The following SCN10A variants were observed in gnomAD, a reference collection of about 807,000 sequenced individuals.
SCN10A encodes the protein sodium voltage-gated channel alpha subunit 10, also known as sodium channel protein type 10 subunit alpha.
A neutral mutation model predicts 170.7 loss-of-function variants in SCN10A; 162 were observed. The observed-to-expected ratio is 0.95, with a 90% CI of 0.84 to 1.08. SCN10A has a LOEUF of 1.08. SCN10A is among the 50% of genes least tolerant of loss of function. The probability of loss-of-function intolerance (pLI) is 0.00; values close to 1 mark genes in which losing one functional copy is unlikely to be tolerated. For missense variants in SCN10A, 2,527 were observed against 2,436.9 expected (o/e 1.04, Z -0.78); for synonymous variants, 985 against 904.6 (o/e 1.09, Z -1.59).
chr3:38,751,023 G>A (rs2063741565), intron 12 of SCN10A, among the ~76,000 whole-genome samples: 1 of 152,204 alleles, frequency 6.6e-6, no homozygotes, highest in African/African-American at 2.4e-5. Flanking sequence ...TGGGGAGGGA[G>A]ACCTGTACAA....
chr3:38,746,260 C>T (rs13319504), intron 13 of SCN10A, among the ~76,000 whole-genome samples: 37,083 of 150,780 alleles, frequency 0.25, 4,759 homozygotes, highest in African/African-American at 0.29. Context: ...CCTTCTTCCC[C>T]TAAAATGCTC....
chr3:38,766,775 AT>A (rs1390473286), intron 5 of SCN10A, among the ~76,000 whole-genome samples: 1 of 152,092 alleles, frequency 6.6e-6, no homozygotes, highest in Non-Finnish European at 1.5e-5. Flanking sequence ...CTCTTTCTGC[AT>A]CTTTTGGAAT....
chr3:38,768,706 G>T (rs1272010522), intron 5 of SCN10A, among the ~76,000 whole-genome samples: 1 of 152,092 alleles, frequency 6.6e-6, no homozygotes, highest in African/African-American at 2.4e-5. Flanking sequence ...CTTGACTTTA[G>T]ATAACCTGAT....
chr3:38,785,873 T>TA (rs1190419819), intron 4 of SCN10A, among the ~76,000 whole-genome samples: 3 of 152,080 alleles, frequency 2.0e-5, no homozygotes, highest in Non-Finnish European at 4.4e-5. Context: ...AAACATATGA[T>TA]AAAAAGCTCA....
intron 15 of SCN10A, 75 bp from the exon 16 acceptor site, chr3:38,728,976 C>G: frequency 6.6e-7 from 1 of 1,519,934 alleles, no homozygotes; most frequent in South Asian, 1.3e-5. Flanking sequence ...GCCTGGAAAC[C>G]AAAGATCTGG....
intron 22 of SCN10A, among the ~76,000 whole-genome samples, chr3:38,712,788 C>A (rs559278483): frequency 1.2e-4 from 18 of 152,274 alleles, no homozygotes; most frequent in South Asian, 8.3e-4. Flanking sequence ...CCTTAAATAC[C>A]ATACATAAAA....
chr3:38,722,768 G>GCCC (rs2063407970), intron 19 of SCN10A, among the ~76,000 whole-genome samples: 1 of 152,202 alleles, frequency 6.6e-6, no homozygotes, highest in Non-Finnish European at 1.5e-5. Context: ...AGCCCAAGCT[G>GCCC]AACTGAGGGC....
At chr3:38,805,795 T>C (rs142144918) in intron 1 of SCN10A, among the ~76,000 whole-genome samples, 1 of 152,286 alleles carries the variant, frequency 6.6e-6, no homozygotes, top group East Asian at 1.9e-4. Context: ...ACCTTTGAAG[T>C]TGAATAATCC....
intron 8 of SCN10A, 88 bp downstream of exon 8, chr3:38,760,593 C>A: frequency 9.8e-7 from 1 of 1,024,542 alleles, no homozygotes; most frequent in Non-Finnish European, 1.5e-6. Context: ...CCAGGACCTG[C>A]AACCCCATCT....
chr3:38,755,703 C>G (rs1398561682), intron 11 of SCN10A, 85 bp downstream of exon 11: 21 of 1,516,512 alleles, frequency 1.4e-5, no homozygotes, highest in Non-Finnish European at 1.7e-5. Context: ...TCTTTCTCTG[C>G]CACACACCTC....
intron 15 of SCN10A, among the ~76,000 whole-genome samples, chr3:38,734,828 C>G (rs1007422066): frequency 6.6e-6 from 1 of 152,090 alleles, no homozygotes; most frequent in African/African-American, 2.4e-5. Flanking sequence ...GATGTCCTAA[C>G]TAGCACAGTG....
At chr3:38,744,318 G>A (rs6599251) in intron 13 of SCN10A, among the ~76,000 whole-genome samples, 1 of 151,618 alleles carries the variant, frequency 6.6e-6, no homozygotes, top group African/African-American at 2.4e-5. Context: ...AGTGTTTAGG[G>A]TTTTTTTTAC....
chr3:38,780,317 G>A (rs531398994), intron 4 of SCN10A, among the ~76,000 whole-genome samples: 318 of 151,880 alleles, frequency 2.1e-3, no homozygotes, highest in African/African-American at 7.5e-3. Flanking sequence ...GTTTGCCTTT[G>A]CTTATGTCTT....
intron 13 of SCN10A, among the ~76,000 whole-genome samples, chr3:38,746,100 T>TATATATATATATATATATATATATCTAG (rs71085336): frequency 6.0e-5 from 6 of 99,832 alleles, no homozygotes; most frequent in African/African-American, 1.4e-4. Flanking sequence ...TATATATATA[T>TATATATATATATATATATATATATCTAG]GCCATCTTTG....
chr3:38,750,859 C>A (rs989992850), intron 12 of SCN10A, among the ~76,000 whole-genome samples: 1 of 152,224 alleles, frequency 6.6e-6, no homozygotes, highest in African/African-American at 2.4e-5. Context: ...GGGCCCATCA[C>A]AAGAGAGGCA....
At chr3:38,768,404 C>T (rs956046280) in intron 5 of SCN10A, among the ~76,000 whole-genome samples, 1 of 151,894 alleles carries the variant, frequency 6.6e-6, no homozygotes, top group Non-Finnish European at 1.5e-5. Flanking sequence ...ATTTAGAATT[C>T]CTTTTAGCAT....
In SCN10A at chr3:38,771,378, T is replaced by A. The variant is rs2063998546; in HGVS notation, c.500A>T (p.Glu167Val). 1 of 1,613,962 alleles carries A rather than the reference T, an allele frequency of 6.2e-7. No individual in the cohort carries two copies. Among genetic ancestry groups the A allele is most frequent in the Non-Finnish European group, 8.5e-7 (1 of 1,179,974 alleles). The change falls in exon 5 of 28, where the codon GAA becomes GTA. Residue 167 changes from glutamate (E) to valine (V), a missense_variant. By Grantham distance (121) the Glu-to-Val change is moderately radical (BLOSUM62 -2). Coordinates refer to ENST00000449082, the MANE Select transcript of SCN10A (RefSeq NM_006514.4). ...TCTTGCCAGTATCTTTATCAAGGCT[T>A]CAAAGGTGTAAATGACAGTGAAGAC... Reference protein sequence around the residue: ...EYVFTVIYTFEALIKILARGF... With the variant: ...EYVFTVIYTFVALIKILARGF...
At chr3:38,701,447 A>G (rs1477265908) in intron 27 of SCN10A, among the ~76,000 whole-genome samples, 10 of 152,010 alleles carry the variant, frequency 6.6e-5, no homozygotes, top group Non-Finnish European at 2.9e-5. Flanking sequence ...AGATTTTAAG[A>G]CTCATCTCAC....
At chr3:38,809,838 T>C (rs2064428264) in intron 1 of SCN10A, among the ~76,000 whole-genome samples, 1 of 152,136 alleles carries the variant, frequency 6.6e-6, no homozygotes, top group African/African-American at 2.4e-5. Context: ...AAGGGCTATA[T>C]TATATGGTTC....
Sources: allele counts gnomAD v4.1 joint callset (sites outside exome capture counted in the v4.1 genomes callset), GRCh38; gene constraint gnomAD v4.1.1; transcripts MANE v1.5; gene names NCBI Gene and HGNC (gene_info 2026-07-23, HGNC 2026-07-21).